STAB2: variants seen among roughly 807,000 people sequenced by gnomAD.
STAB2 encodes the protein stabilin-2.
Under a neutral mutation model 338.1 loss-of-function variants are expected in STAB2, and 288 were observed. The observed-to-expected ratio is 0.85, with a 90% CI of 0.77 to 0.94. The LOEUF is 0.94. Among genes scored for constraint, STAB2 ranks in the 40% least tolerant of loss-of-function variants. STAB2 has a pLI of 0.00. For synonymous variants in STAB2, 1,202 were observed against 1,193.3 expected (o/e 1.01, Z -0.15); for missense variants, 3,141 against 3,210.1 (o/e 0.98, Z 0.52).
At chr12:103,658,305 T>C (rs567457681) in intron 15 of STAB2, among the ~76,000 whole-genome samples, 1 of 152,264 alleles carries the variant, frequency 6.6e-6, no homozygotes, top group Admixed American at 6.5e-5. Flanking sequence ...AAAGAATGTG[T>C]CGCACCAAAA....
intron 31 of STAB2, among the ~76,000 whole-genome samples, chr12:103,693,841 ATTAAT>A (rs1405143556): frequency 6.6e-6 from 1 of 152,134 alleles, no homozygotes; most frequent in African/African-American, 2.4e-5. Context: ...AAAAATAACA[ATTAAT>A]TGTGTTTTAA....
chr12:103,677,494 G>T lies in STAB2; in HGVS notation c.2688G>T (p.Val896=), dbSNP rs1876491200. 6.2e-7 allele frequency: 1 copy of T among 1,613,914 alleles called. No individual in the cohort carries two copies. The highest frequency in any genetic ancestry group is 1.3e-5 in the African/African-American group (1 of 74,954). Residue 896 remains valine (V), a synonymous_variant, in exon 25 of 69, where the codon GTG becomes GTT. Coordinates refer to ENST00000388887, the MANE Select transcript of STAB2 (RefSeq NM_017564.10). ...CTGGCACGGGCACCCACACCTGCGT[G>T]TGTCAGCAGGGTTGGACAGGGAATG... ...IKTGTGTHTC[V]CQQGWTGNGR...
At chr12:103,685,234 C>T (rs1877290419) in intron 27 of STAB2, 150 bp downstream of exon 27, 4 of 724,202 alleles carry the variant, frequency 5.5e-6, no homozygotes, top group Non-Finnish European at 8.7e-6. Flanking sequence ...CATACATGCT[C>T]TGTGGGTCAC....
At chr12:103,622,456 A>G (rs191413837) in intron 5 of STAB2, among the ~76,000 whole-genome samples, 118 of 152,366 alleles carry the variant, frequency 7.7e-4, no homozygotes, top group African/African-American at 2.7e-3. Context: ...ACTCAGCAGT[A>G]TATGAATGAT....
chr12:103,746,815 C>T, intron 58 of STAB2, 111 bp downstream of exon 58: 1 of 962,658 alleles, frequency 1.0e-6, no homozygotes, highest in Non-Finnish European at 1.7e-6. Context: ...TGGGCCACTT[C>T]AGCAGCACCT....
intron 59 of STAB2, 36 bp downstream of exon 59, chr12:103,749,192 C>T (rs757426219): frequency 7.3e-5 from 114 of 1,562,230 alleles, no homozygotes; most frequent in Non-Finnish European, 9.0e-5. Flanking sequence ...TTGGGAGCAG[C>T]GCCGTGGGCT....
At chr12:103,726,702 T>C (rs961591578) in intron 46 of STAB2, among the ~76,000 whole-genome samples, 2 of 152,200 alleles carry the variant, frequency 1.3e-5, no homozygotes, top group African/African-American at 4.8e-5. Context: ...AAGTTTGATC[T>C]TTCTGCACAT....
intron 18 of STAB2, among the ~76,000 whole-genome samples, chr12:103,663,464 C>T (rs1565994284): frequency 6.6e-6 from 1 of 152,114 alleles, no homozygotes; most frequent in East Asian, 1.9e-4. Context: ...CACTGTGTTG[C>T]CCAGTCTGGA....
At position 103,695,578 on chromosome 12, in the gene STAB2, G is replaced by A; in HGVS notation, c.3404G>A (p.Gly1135Asp). 6.2e-7 allele frequency: 1 copy of A among 1,614,138 alleles called. No homozygotes were observed. The highest frequency in any genetic ancestry group is 8.5e-7 in the Non-Finnish European group (1 of 1,180,010). ...CTGGTCCCACAAAGACGTCTAACTGGCTCCTTACCAAACCTGCTCATGCGG... is the reference window on the plus strand; with the variant it reads ...CTGGTCCCACAAAGACGTCTAACTGACTCCTTACCAAACCTGCTCATGCGG... ...KVLVPQRRLT[G>D]SLPNLLMRLE... The change falls in exon 32 of 69, where the codon GGC (glycine) becomes GAC (aspartate). Residue 1135 changes from glycine (G) to aspartate (D), a missense_variant. Gly to Asp is a moderately conservative substitution (Grantham distance 94). Transcript: ENST00000388887.
At chr12:103,597,804 C>A (rs703602) in intron 3 of STAB2, among the ~76,000 whole-genome samples, 62,627 of 151,556 alleles carry the variant, frequency 0.41, 14,532 homozygotes, top group East Asian at 0.62. Flanking sequence ...CTGCCATGAA[C>A]GTTAATGGAT....
At chr12:103,662,749 T>C in intron 17 of STAB2, 97 bp from the exon 18 acceptor site, 1 of 1,468,830 alleles carries the variant, frequency 6.8e-7, no homozygotes, top group East Asian at 2.3e-5. Flanking sequence ...TTGAGGACTT[T>C]TTAGCAAAGT....
Position 103,655,454 on chromosome 12 carries a change from A to G in STAB2, c.1609-2A>G. The G allele has an allele frequency of 6.2e-7, 1 of 1,613,806 alleles. No homozygotes were observed. Among genetic ancestry groups the G allele is most frequent in the Non-Finnish European group, 8.5e-7 (1 of 1,179,866 alleles). On this transcript the variant is annotated splice_acceptor_variant, in intron 14 of 68. Coordinates refer to ENST00000388887, the MANE Select transcript of STAB2 (RefSeq NM_017564.10). LOFTEE classifies it high-confidence loss of function. Reference sequence around the variant, plus strand: ...ATACAAAATTTCATTTCCCAAATGCAGGAAACCAATTTGGGACATGCCTTA... The same window carrying G: ...ATACAAAATTTCATTTCCCAAATGCGGGAAACCAATTTGGGACATGCCTTA...
chr12:103,652,640 A>G lies in STAB2; in HGVS notation c.1342A>G (p.Met448Val). Residue 448 changes from methionine (M) to valine (V), a missense_variant, in exon 12 of 69, where the codon ATG (methionine) becomes GTG (valine). Transcript: ENST00000388887. ...TGCTGGTCAGATGAACATCGAATAT[A>G]TGAATAACACAGACATGTTCTACAC... Reference protein sequence around the residue: ...IIAGQMNIEYMNNTDMFYTLT... With the variant: ...IIAGQMNIEYVNNTDMFYTLT... The G allele has an allele frequency of 1.2e-6, 2 of 1,610,416 alleles. No individual in the cohort carries two copies. The highest frequency in any genetic ancestry group is 1.7e-6 in the Non-Finnish European group (2 of 1,178,448).
At chr12:103,677,320 A>T (rs749622795) in intron 24 of STAB2, 133 bp from the exon 25 acceptor site, 112 of 1,271,724 alleles carry the variant, frequency 8.8e-5, no homozygotes, top group Non-Finnish European at 1.2e-4. Context: ...TCTCAATGTA[A>T]ATTAAGCATT....
chr12:103,736,425 G>A (rs1882129233), intron 52 of STAB2, among the ~76,000 whole-genome samples: 1 of 152,170 alleles, frequency 6.6e-6, no homozygotes, highest in African/African-American at 2.4e-5. Flanking sequence ...TTTGGTATTT[G>A]AATTAGAATT....
chr12:103,735,284 T>C (rs1019029353), intron 51 of STAB2, among the ~76,000 whole-genome samples: 2 of 152,224 alleles, frequency 1.3e-5, no homozygotes, highest in African/African-American at 2.4e-5. Context: ...CCTGGTCAAC[T>C]CTTTCCCTCA....
chr12:103,664,504 C>T (rs115171558), intron 18 of STAB2, among the ~76,000 whole-genome samples: 30 of 152,316 alleles, frequency 2.0e-4, no homozygotes, highest in Admixed American at 5.9e-4. Context: ...TGCACTATTT[C>T]GGTTCCCATG....
At chr12:103,686,196 C>T (rs770089465) in intron 27 of STAB2, among the ~76,000 whole-genome samples, 2 of 152,146 alleles carry the variant, frequency 1.3e-5, no homozygotes, top group African/African-American at 2.4e-5. Flanking sequence ...AATCACGAGC[C>T]TAACAATTCC....
chr12:103,740,809 C>T (rs1882525310), intron 55 of STAB2, 53 bp downstream of exon 55: 7 of 1,512,612 alleles, frequency 4.6e-6, no homozygotes, highest in Non-Finnish European at 6.2e-6. Context: ...TATGCTCCTG[C>T]TCGTTGTCCA....
Sources: allele counts gnomAD v4.1 joint callset (sites outside exome capture counted in the v4.1 genomes callset), GRCh38; gene constraint gnomAD v4.1.1; transcripts MANE v1.5; gene names NCBI Gene and HGNC (gene_info 2026-07-23, HGNC 2026-07-21).